Variants in PRR5L observed in about 807,000 individuals in gnomAD.
PRR5L encodes the protein proline-rich protein 5-like.
Under a neutral mutation model 36.4 loss-of-function variants are expected in PRR5L, and 21 were observed. The ratio of observed to expected loss-of-function variants is 0.58; its 90% CI spans 0.41 to 0.83. The LOEUF (loss-of-function observed/expected upper bound fraction) is 0.83, where lower values mean the gene tolerates loss of function less well. PRR5L is among the 40% of genes least tolerant of loss of function. The pLI is 0.00. For missense variants in PRR5L, 381 were observed against 473.3 expected (o/e 0.80, Z 1.81); for synonymous variants, 188 against 197.0 (o/e 0.95, Z 0.38).
At position 36,298,474 on chromosome 11, in the gene PRR5L, C is replaced by T. The variant is rs1590418191; in HGVS notation, c.-126+2036C>T. 3.3e-5 allele frequency among the ~76,000 whole-genome samples: 5 copies of T among 152,234 alleles called. 1 individual carries two copies. Among genetic ancestry groups the T allele is most frequent in the Admixed American group, 3.3e-4 (5 of 15,290 alleles). On this transcript the variant is annotated intron_variant, in intron 1 of 8. Transcript: ENST00000530639. ...GTGACAGATCATCAGGCATTAGATT[C>T]TCATAAGGAGCATGCAAACTAGACC... is the stretch of plus-strand genomic sequence containing the variant.
chr11:36,408,673 G>A (rs898124511), intron 3 of PRR5L, among the ~76,000 whole-genome samples: 5 of 152,164 alleles, frequency 3.3e-5, no homozygotes, highest in African/African-American at 4.8e-5. Flanking sequence ...TGGGTTAGAG[G>A]TTTGGGTTTC....
chr11:36,463,249 C>G lies in PRR5L; in HGVS notation c.*513C>G, dbSNP rs918175388. On this transcript the variant is annotated 3_prime_UTR_variant, in exon 9 of 9. Coordinates refer to ENST00000530639, the MANE Select transcript of PRR5L (RefSeq NM_001160167.2). ...TGTAGAGTGAAAATAGCCTGAAGCC[C>G]CTACTCAGCAGGGCTCTGGGAATGT... 2 of 152,492 alleles carry G rather than the reference C, an allele frequency of 1.3e-5. No homozygotes were observed. The highest frequency in any genetic ancestry group is 4.8e-5 in the African/African-American group (2 of 41,432). 9.4% of individuals were successfully genotyped at this position (152,492 alleles called of 1,614,324 possible). A position where few individuals can be genotyped will look rare whatever the true frequency, so the allele number is the denominator to read the frequency against.
At chr11:36,399,291 G>T (rs1369796566) in intron 1 of PRR5L, among the ~76,000 whole-genome samples, 1 of 152,216 alleles carries the variant, frequency 6.6e-6, no homozygotes, top group Non-Finnish European at 1.5e-5. Flanking sequence ...ACATAAGTCT[G>T]CTTTCCTTAA....
At chr11:36,438,164 C>T (rs1416385020) in intron 6 of PRR5L, among the ~76,000 whole-genome samples, 2 of 152,194 alleles carry the variant, frequency 1.3e-5, no homozygotes, top group Non-Finnish European at 2.9e-5. Context: ...CTCTGTAGAG[C>T]TAATACCACG....
chr11:36,375,333 A>C (rs1383118410), intron 1 of PRR5L, among the ~76,000 whole-genome samples: 1 of 152,022 alleles, frequency 6.6e-6, no homozygotes, highest in Non-Finnish European at 1.5e-5. Context: ...GCCCTTCATC[A>C]TTCTAGGGCT....
intron 1 of PRR5L, among the ~76,000 whole-genome samples, chr11:36,342,799 C>T (rs1856829903): frequency 6.6e-6 from 1 of 152,080 alleles, no homozygotes; most frequent in Admixed American, 6.6e-5. Context: ...AATATAGCCG[C>T]ACTTTAGAAA....
intron 8 of PRR5L, among the ~76,000 whole-genome samples, chr11:36,460,657 T>C (rs1179539033): frequency 1.3e-5 from 2 of 152,258 alleles, no homozygotes; most frequent in Admixed American, 1.3e-4. Flanking sequence ...TCTCCCTGGC[T>C]TTCCTCGCTG....
intron 1 of PRR5L, among the ~76,000 whole-genome samples, chr11:36,382,465 G>A (rs764503753): frequency 1.4e-4 from 21 of 152,174 alleles, no homozygotes; most frequent in Admixed American, 7.2e-4. Flanking sequence ...TTCTGAAAGC[G>A]CACATGCATC....
Position 36,377,181 on chromosome 11 carries a change from T to C in PRR5L, c.-125-23816T>C, listed in dbSNP as rs548129747. Among the ~76,000 whole-genome samples the C allele has an allele frequency of 1.8e-4, 28 of 152,282 alleles. No individual in the cohort carries two copies. In the East Asian group the frequency reaches 3.5e-3, roughly 19 times the overall value. On this transcript the variant is annotated intron_variant, in intron 1 of 8. Transcript: ENST00000530639. This position sits in a 1 kb window ranked among gnomAD's most constrained non-coding sequence, Gnocchi z 5.1. ...AGCCTTTTCCCGGCGGTCCCCCTTT[T>C]TCTGGAGGGAGGCGTGGGAGAGAAG...
chr11:36,398,999 C>T (rs73445167), intron 1 of PRR5L, among the ~76,000 whole-genome samples: 1,804 of 152,254 alleles, frequency 0.012, 45 homozygotes, highest in African/African-American at 0.042. Context: ...AGAATGGCAG[C>T]GAAATGGATC....
intron 8 of PRR5L, among the ~76,000 whole-genome samples, chr11:36,456,674 C>T (rs1263130306): frequency 2.0e-5 from 3 of 152,260 alleles, no homozygotes; most frequent in Non-Finnish European, 2.9e-5. Flanking sequence ...TTCCACATCT[C>T]AACTTCAGGT....
At chr11:36,353,196 TCTC>T (rs1856993143) in intron 1 of PRR5L, among the ~76,000 whole-genome samples, 1 of 152,042 alleles carries the variant, frequency 6.6e-6, no homozygotes, top group African/African-American at 2.4e-5. Flanking sequence ...ACTGGCATCT[TCTC>T]CTTCTCTGCA....
At chr11:36,360,633 A>ATG (rs1020804207) in intron 1 of PRR5L, among the ~76,000 whole-genome samples, 2 of 152,188 alleles carry the variant, frequency 1.3e-5, no homozygotes, top group Non-Finnish European at 2.9e-5. Context: ...GCATAAATGC[A>ATG]TGTGTGTGTG....
At position 36,463,793 on chromosome 11, in the gene PRR5L, C is replaced by T. The variant is rs1255508222; in HGVS notation, c.*1057C>T. The stretch of plus-strand genomic sequence containing the variant: ...ATAAAGAGATCCATGGTGGGCAGGG[C>T]TGTTAGGTCACAGAGCTCTAGAAGC... On this transcript the variant is annotated 3_prime_UTR_variant, in exon 9 of 9. Coordinates refer to ENST00000530639, the MANE Select transcript of PRR5L (RefSeq NM_001160167.2). The T allele has an allele frequency of 6.6e-6, 1 of 152,274 alleles. No homozygotes were observed. The highest frequency in any genetic ancestry group is 1.5e-5 in the Non-Finnish European group (1 of 68,038). 9.4% of individuals were successfully genotyped at this position (152,274 alleles called of 1,614,324 possible). A position where few individuals can be genotyped will look rare whatever the true frequency, so the allele number is the denominator to read the frequency against.
chr11:36,340,333 G>T (rs1856806329), intron 1 of PRR5L, among the ~76,000 whole-genome samples: 1 of 152,210 alleles, frequency 6.6e-6, no homozygotes, highest in African/African-American at 2.4e-5. Context: ...TGCAGATGGG[G>T]TATGTGCTGT....
intron 5 of PRR5L, among the ~76,000 whole-genome samples, chr11:36,435,098 C>A (rs12276780): frequency 0.043 from 6,512 of 152,034 alleles, 472 homozygotes; most frequent in African/African-American, 0.15. Flanking sequence ...GCTGGAGTAA[C>A]CTTTTGCCCT....
At chr11:36,350,996 T>TTA (rs369442058) in intron 1 of PRR5L, among the ~76,000 whole-genome samples, 1 of 48,854 alleles carries the variant, frequency 2.0e-5, no homozygotes, top group African/African-American at 1.0e-4. Flanking sequence ...ATTTATATAT[T>TTA]TATATATATT....
At chr11:36,421,871 G>A (rs1488679056) in intron 4 of PRR5L, among the ~76,000 whole-genome samples, 2 of 152,116 alleles carry the variant, frequency 1.3e-5, no homozygotes, top group Non-Finnish European at 2.9e-5. Context: ...AATCTCCCTC[G>A]TTTGAAGAAG....
At chr11:36,405,702 G>T (rs1403175579) in intron 3 of PRR5L, among the ~76,000 whole-genome samples, 1 of 152,228 alleles carries the variant, frequency 6.6e-6, no homozygotes. Flanking sequence ...AAATACCATA[G>T]ACTGGATGAC....
Sources: allele counts gnomAD v4.1 joint callset (sites outside exome capture counted in the v4.1 genomes callset), GRCh38; gene constraint gnomAD v4.1.1; non-coding constraint Gnocchi (gnomAD v3.1); transcripts MANE v1.5; gene names NCBI Gene and HGNC (gene_info 2026-07-23, HGNC 2026-07-21).